The following C6orf89 variants were observed in gnomAD, a reference collection of about 807,000 sequenced individuals.
C6orf89 encodes bombesin receptor-activated protein C6orf89.
Under a neutral mutation model 40.7 loss-of-function variants are expected in C6orf89, and 29 were observed. That is an observed-to-expected ratio of 0.71 (90% CI 0.53 to 0.97). The LOEUF (loss-of-function observed/expected upper bound fraction) is 0.97, where lower values mean the gene tolerates loss of function less well. Among genes scored for constraint, C6orf89 ranks in the 50% least tolerant of loss-of-function variants. The probability of loss-of-function intolerance (pLI) is 0.00; values close to 1 mark genes in which losing one functional copy is unlikely to be tolerated. For missense variants in C6orf89, 392 were observed against 429.1 expected (o/e 0.91, Z 0.76); for synonymous variants, 165 against 152.2 (o/e 1.08, Z -0.62).
At chr6:36,912,355 A>G (rs1762157476) in intron 4 of C6orf89, among the ~76,000 whole-genome samples, 1 of 152,248 alleles carries the variant, frequency 6.6e-6, no homozygotes, top group Admixed American at 6.5e-5. Context: ...AACATAGGGC[A>G]AGCACTCAGT....
At chr6:36,888,123 G>T (rs1775063087) in intron 1 of C6orf89, among the ~76,000 whole-genome samples, 1 of 152,202 alleles carries the variant, frequency 6.6e-6, no homozygotes, top group African/African-American at 2.4e-5. Flanking sequence ...ATAAAACATT[G>T]TGGGGTAGAA....
chr6:36,889,863 T>G (rs1761121299), intron 1 of C6orf89, among the ~76,000 whole-genome samples: 1 of 152,212 alleles, frequency 6.6e-6, no homozygotes, highest in South Asian at 2.1e-4. Flanking sequence ...GTTGAAATAT[T>G]TAGAAATGAT....
intron 4 of C6orf89, among the ~76,000 whole-genome samples, chr6:36,913,178 C>T (rs1323575570): frequency 6.6e-6 from 1 of 152,202 alleles, no homozygotes; most frequent in Non-Finnish European, 1.5e-5. Context: ...CTGGGAAAGG[C>T]TGTGCAGAAA....
At chr6:36,888,801 G>A (rs1471001207) in intron 1 of C6orf89, among the ~76,000 whole-genome samples, 2 of 152,184 alleles carry the variant, frequency 1.3e-5, no homozygotes, top group African/African-American at 2.4e-5. Context: ...AATTATATAG[G>A]AGGCTGAATC....
chr6:36,922,210 T>G lies in C6orf89; in HGVS notation c.950-1137T>G, dbSNP rs1398040258. 2.0e-5 allele frequency among the ~76,000 whole-genome samples: 3 copies of G among 151,908 alleles called. No individual in the cohort carries two copies. In the East Asian group the frequency reaches 5.8e-4, roughly 29 times the overall value. On this transcript the variant is annotated intron_variant, in intron 8 of 8. Coordinates refer to ENST00000480824, the MANE Select transcript of C6orf89 (RefSeq NM_001286635.2). ...AAAAAATTAGCCAGGCATGGTGGTG[T>G]GCACCTGTAATCCCAGCTACTCGGG...
At chr6:36,917,313 A>T (rs1441609176) in intron 7 of C6orf89, among the ~76,000 whole-genome samples, 1 of 152,062 alleles carries the variant, frequency 6.6e-6, no homozygotes, top group Admixed American at 6.6e-5. Flanking sequence ...AGAAAAGCCC[A>T]CTCTGCCCCC....
chr6:36,903,522 C>T (rs987281309), intron 4 of C6orf89, among the ~76,000 whole-genome samples: 36 of 151,962 alleles, frequency 2.4e-4, no homozygotes, highest in Admixed American at 2.0e-3. Context: ...TGCAGTGGTG[C>T]GATCTTGGCT....
intron 6 of C6orf89, 99 bp downstream of exon 6, chr6:36,914,792 C>CATGG: frequency 7.0e-7 from 1 of 1,418,836 alleles, no homozygotes; most frequent in South Asian, 1.2e-5. Context: ...GAGTTGCAGA[C>CATGG]CAGCCTGGCC....
intron 8 of C6orf89, among the ~76,000 whole-genome samples, chr6:36,921,648 T>G (rs1157406591): frequency 6.6e-6 from 1 of 152,156 alleles, no homozygotes; most frequent in African/African-American, 2.4e-5. Context: ...ATCAAGAGAT[T>G]TTTTTTGTTT....
At chr6:36,887,630 C>T (rs558533612) in intron 1 of C6orf89, among the ~76,000 whole-genome samples, 2 of 152,254 alleles carry the variant, frequency 1.3e-5, no homozygotes, top group East Asian at 1.9e-4. Flanking sequence ...AATAGTATGA[C>T]AGTGTAGAAT....
At position 36,919,698 on chromosome 6, in the gene C6orf89, A is replaced by G. The variant is rs747492459; in HGVS notation, c.946A>G (p.Ile316Val). Reference sequence around the variant, plus strand: ...GGCCATGCCAATAGAGCCAGGGGATATCGGTATGTAGGGCCCCAGGAGGGC... The same window carrying G: ...GGCCATGCCAATAGAGCCAGGGGATGTCGGTATGTAGGGCCCCAGGAGGGC... ...SVAMPIEPGD[I>V]GYVDTTHWKV... The change falls in exon 8 of 9, where the codon ATC becomes GTC. Residue 316 changes from isoleucine to valine, a missense_variant. Transcript: ENST00000480824. 2 of 1,611,320 alleles carry G rather than the reference A, an allele frequency of 1.2e-6. No homozygotes were observed. The highest frequency in any genetic ancestry group is 1.7e-6 in the Non-Finnish European group (2 of 1,178,310).
At chr6:36,921,197 A>G (rs184447264) in intron 8 of C6orf89, among the ~76,000 whole-genome samples, 2 of 143,262 alleles carry the variant, frequency 1.4e-5, no homozygotes, top group East Asian at 4.7e-4. Flanking sequence ...GAAGAAGAAG[A>G]GGAGAGCAAG....
At chr6:36,920,531 C>A (rs1261933724) in intron 8 of C6orf89, among the ~76,000 whole-genome samples, 1 of 152,114 alleles carries the variant, frequency 6.6e-6, no homozygotes, top group Non-Finnish European at 1.5e-5. Flanking sequence ...TTCAGAAGAC[C>A]CCCAAGCCCC....
intron 4 of C6orf89, among the ~76,000 whole-genome samples, chr6:36,909,095 A>G (rs9462244): frequency 0.014 from 2,066 of 151,926 alleles, 40 homozygotes; most frequent in African/African-American, 0.045. Flanking sequence ...AACATAATTA[A>G]ACCCTCTCTA....
chr6:36,886,146 A>G (rs1340643814), intron 1 of C6orf89, 118 bp downstream of exon 1: 5 of 930,864 alleles, frequency 5.4e-6, no homozygotes, highest in Non-Finnish European at 7.1e-6. Flanking sequence ...CCTCTATCCC[A>G]GCGCGGATCC....
At chr6:36,898,998 C>T (rs1336234713) in intron 2 of C6orf89, among the ~76,000 whole-genome samples, 1 of 152,160 alleles carries the variant, frequency 6.6e-6, no homozygotes, top group Non-Finnish European at 1.5e-5. Flanking sequence ...TTGTGTTGAA[C>T]ACAAATGTTC....
intron 1 of C6orf89, among the ~76,000 whole-genome samples, chr6:36,893,386 A>G (rs560106362): frequency 6.6e-6 from 1 of 152,230 alleles, no homozygotes; most frequent in Non-Finnish European, 1.5e-5. Flanking sequence ...AGGACGACTG[A>G]TATAACCAAA....
In C6orf89 at chr6:36,923,387, CAG is replaced by C; in HGVS notation, c.993_994del (p.Val333ProfsTer32). ...CCCACTGGAAGGTCTACGTTATAGC[CAG>C]AGGGGTCCAGCCTTTGGTCATCTGC... ...TTHWKVYVIA[R>X]GVQPLVICDG... On this transcript the variant is annotated frameshift_variant, in exon 9 of 9. Transcript: ENST00000480824. LOFTEE classifies it high-confidence loss of function. The C allele has an allele frequency of 6.2e-7, 1 of 1,614,178 alleles. No individual in the cohort carries two copies.
Position 36,914,350 on chromosome 6 carries a change from C to T in C6orf89, c.470C>T (p.Thr157Ile). The change falls in exon 5 of 9, where the codon ACT (threonine) becomes ATT (isoleucine). Residue 157 changes from threonine to isoleucine, a missense_variant. Coordinates refer to ENST00000480824, the MANE Select transcript of C6orf89 (RefSeq NM_001286635.2). ...TCAGAGCCCATTCCTGCCAACTGCA[C>T]TGGCTGTGCCCAGAAACACCTGAAG... ...NESEPIPANC[T>I]GCAQKHLKVM... 1 of 1,614,232 alleles carries T rather than the reference C, an allele frequency of 6.2e-7. No individual in the cohort carries two copies. The highest frequency in any genetic ancestry group is 8.5e-7 in the Non-Finnish European group (1 of 1,180,034).
Sources: allele counts gnomAD v4.1 joint callset (sites outside exome capture counted in the v4.1 genomes callset), GRCh38; gene constraint gnomAD v4.1.1; transcripts MANE v1.5; gene names NCBI Gene and HGNC (gene_info 2026-07-23, HGNC 2026-07-21).